KLHL1: variants seen among roughly 807,000 people sequenced by gnomAD.
KLHL1 encodes kelch-like protein 1.
A neutral mutation model predicts 77.7 loss-of-function variants in KLHL1; 47 were observed. The observed-to-expected ratio is 0.60, with a 90% CI of 0.48 to 0.77. The LOEUF (loss-of-function observed/expected upper bound fraction) is 0.77, where lower values mean the gene tolerates loss of function less well. Among genes scored for constraint, KLHL1 ranks in the 30% least tolerant of loss-of-function variants. KLHL1 has a pLI of 0.00. For missense variants in KLHL1, 925 were observed against 910.8 expected, an observed-to-expected ratio of 1.02 and a Z score of -0.20; for synonymous variants, 360 against 325.2, an observed-to-expected ratio of 1.11 and a Z score of -1.15.
At chr13:69,789,504 C>T (rs1283441288) in intron 7 of KLHL1, among the ~76,000 whole-genome samples, 2 of 151,960 alleles carry the variant, frequency 1.3e-5, no homozygotes, top group African/African-American at 4.8e-5. Flanking sequence ...TTTTTCATCA[C>T]TTTTTGTACA....
At chr13:69,784,671 C>G (rs2138012570) in intron 7 of KLHL1, among the ~76,000 whole-genome samples, 1 of 151,304 alleles carries the variant, frequency 6.6e-6, no homozygotes, top group Admixed American at 6.6e-5. Context: ...ACAGGAGCAC[C>G]CAGATTCATA....
At chr13:69,787,923 C>A (rs868577973) in intron 7 of KLHL1, among the ~76,000 whole-genome samples, 1 of 152,146 alleles carries the variant, frequency 6.6e-6, no homozygotes, top group South Asian at 2.1e-4. Flanking sequence ...TCATCACTGG[C>A]CATCAGAGAA....
chr13:70,007,912 C>A (rs1433544724), intron 1 of KLHL1, among the ~76,000 whole-genome samples: 4 of 151,958 alleles, frequency 2.6e-5, no homozygotes, highest in Admixed American at 2.6e-4. Context: ...TTATAGATAA[C>A]TAATCTGGTG....
intron 9 of KLHL1, among the ~76,000 whole-genome samples, chr13:69,715,381 C>T (rs917023872): frequency 3.3e-5 from 5 of 152,066 alleles, no homozygotes; most frequent in Admixed American, 6.6e-5. Context: ...GTTCCTCCTT[C>T]GTGCACTCCC....
intron 8 of KLHL1, among the ~76,000 whole-genome samples, chr13:69,726,835 A>G (rs1007255972): frequency 6.6e-6 from 1 of 152,126 alleles, no homozygotes; most frequent in Non-Finnish European, 1.5e-5. Context: ...TCCTTTTAGT[A>G]TAATGTAAGC....
At chr13:70,091,825 T>C (rs1357270891) in intron 1 of KLHL1, among the ~76,000 whole-genome samples, 2 of 152,174 alleles carry the variant, frequency 1.3e-5, no homozygotes, top group Non-Finnish European at 2.9e-5. Context: ...GAGCTAACTT[T>C]CATAAAAATT....
Position 69,753,966 on chromosome 13 carries a change from A to G in KLHL1, c.1640-13410T>C, listed in dbSNP as rs536726947. Among the ~76,000 whole-genome samples, 14 of 151,958 alleles carry G rather than the reference A, an allele frequency of 9.2e-5. No individual in the cohort carries two copies. The South Asian group carries it at 2.5e-3, about 27-fold the overall frequency. On this transcript the variant is annotated intron_variant, in intron 7 of 10. Coordinates refer to ENST00000377844, the MANE Select transcript of KLHL1 (RefSeq NM_020866.3). The stretch of plus-strand genomic sequence containing the variant: ...ATCTTCCCACTTCAGCCTCCCAGGT[A>G]GCTGGGACTAGAGGCGTGTTCCACC...
At chr13:69,991,426 T>G (rs553057353) in intron 1 of KLHL1, among the ~76,000 whole-genome samples, 3 of 151,644 alleles carry the variant, frequency 2.0e-5, no homozygotes, top group African/African-American at 7.2e-5. Flanking sequence ...CAGGATAGGC[T>G]GCTAGCTAGA....
chr13:69,925,354 T>C (rs9599524), intron 4 of KLHL1, among the ~76,000 whole-genome samples: 3,851 of 152,290 alleles, frequency 0.025, 92 homozygotes, highest in Non-Finnish European at 0.035. Context: ...ATATAATATA[T>C]GTAAAACACT....
At chr13:69,942,293 A>T (rs939760013) in intron 3 of KLHL1, among the ~76,000 whole-genome samples, 9 of 152,052 alleles carry the variant, frequency 5.9e-5, no homozygotes, top group African/African-American at 2.2e-4. Context: ...CTTGGAAGGC[A>T]GGTTGCACTA....
At chr13:70,000,570 T>A (rs1190406160) in intron 1 of KLHL1, among the ~76,000 whole-genome samples, 1 of 151,890 alleles carries the variant, frequency 6.6e-6, no homozygotes, top group Non-Finnish European at 1.5e-5. Context: ...CTACCTTACA[T>A]TACATAACAA....
intron 5 of KLHL1, among the ~76,000 whole-genome samples, chr13:69,854,499 G>A (rs532195431): frequency 6.6e-6 from 1 of 152,116 alleles, no homozygotes; most frequent in Non-Finnish European, 1.5e-5. Context: ...TGGTTACCAT[G>A]AAGTTTGGAG....
chr13:69,932,414 C>T (rs1315796064), intron 4 of KLHL1, among the ~76,000 whole-genome samples: 2 of 151,628 alleles, frequency 1.3e-5, no homozygotes, highest in African/African-American at 2.4e-5. Context: ...TCTGACATAT[C>T]ATAAGAAGTC....
intron 8 of KLHL1, among the ~76,000 whole-genome samples, chr13:69,721,085 A>C (rs1262817581): frequency 1.3e-5 from 1 of 75,114 alleles, no homozygotes; most frequent in Non-Finnish European, 2.9e-5. Flanking sequence ...ATATAAAGCT[A>C]TGTACCTCCC....
rs1888124278 is a variant in KLHL1 at position 70,108,175 on chromosome 13, G to A, written c.-476C>T. The A allele has an allele frequency of 2.5e-6, 1 of 399,446 alleles. No individual in the cohort carries two copies. The highest frequency in any genetic ancestry group is 4.3e-5 in the Admixed American group (1 of 23,160). 24.7% of individuals were successfully genotyped at this position (399,446 alleles called of 1,614,324 possible). On this transcript the variant is annotated 5_prime_UTR_variant, in exon 1 of 11. Transcript: ENST00000377844. ...GGCGTTCTTGTCCTTGCAGCTCAGA[G>A]TTCAGTGTCTGGAGAGCGCAGAGAG...
chr13:70,105,568 A>G (rs1354099052), intron 1 of KLHL1, among the ~76,000 whole-genome samples: 2 of 151,542 alleles, frequency 1.3e-5, no homozygotes, highest in East Asian at 3.9e-4. Context: ...TAAAATAGTA[A>G]CAGATAAATA....
intron 6 of KLHL1, among the ~76,000 whole-genome samples, chr13:69,834,723 T>C (rs1237567198): frequency 5.9e-5 from 9 of 152,126 alleles, no homozygotes; most frequent in Admixed American, 5.2e-4. Context: ...GTTGCCAAGT[T>C]GTCTATCATT....
At position 70,048,472 on chromosome 13, in the gene KLHL1, C is replaced by T. The variant is rs561601923; in HGVS notation, c.497+58731G>A. 5.9e-5 allele frequency among the ~76,000 whole-genome samples: 9 copies of T among 152,312 alleles called. No individual in the cohort carries two copies. In the East Asian group the frequency reaches 1.5e-3, roughly 26 times the overall value. On this transcript the variant is annotated intron_variant, in intron 1 of 10. Coordinates refer to ENST00000377844, the MANE Select transcript of KLHL1 (RefSeq NM_020866.3). ...GTAGATACAACATCAACTTGTCTGG[C>T]AAGGCAGCCAGTTAGAAAGATTTTG...
chr13:69,849,646 A>G (rs1879607814), intron 5 of KLHL1, among the ~76,000 whole-genome samples: 1 of 151,408 alleles, frequency 6.6e-6, no homozygotes, highest in Admixed American at 6.6e-5. Flanking sequence ...TTTATCAGTC[A>G]TATCAGATTT....
Sources: gnomAD v4.1 joint callset for allele counts (sites outside exome capture counted in the v4.1 genomes callset) on GRCh38, gnomAD v4.1.1 for gene constraint, MANE v1.5 for transcripts, NCBI Gene and HGNC (gene_info 2026-07-23, HGNC 2026-07-21) for gene names.